PAK4: variants seen among roughly 807,000 people sequenced by gnomAD.
The protein encoded by PAK4 is p21 (RAC1) activated kinase 4.
PAK4 carries 49 observed loss-of-function variants against 53.5 expected under a neutral mutation model. The ratio of observed to expected loss-of-function variants is 0.92; its 90% CI spans 0.73 to 1.16. The LOEUF (loss-of-function observed/expected upper bound fraction) is 1.16. Ranked by LOEUF, PAK4 falls within the 50% of genes most tolerant of loss-of-function variation. The pLI is 0.00. For missense variants in PAK4, 824 were observed against 850.7 expected, an observed-to-expected ratio of 0.97 and a Z score of 0.39; for synonymous variants, 376 against 375.6, an observed-to-expected ratio of 1.00 and a Z score of -0.01.
chr19:39,128,681 C>G (rs1356056840), intron 1 of PAK4, among the ~76,000 whole-genome samples: 1 of 152,162 alleles, frequency 6.6e-6, no homozygotes, highest in Admixed American at 6.5e-5. Context: ...CAGAACACAC[C>G]GTGATACAGT....
chr19:39,173,274 C>G lies in PAK4; in HGVS notation c.561C>G (p.Thr187=). ...CCCTCTCCGGGCCTGATGTCGGCAC[C>G]CCCCAGCCTGCTGGTCTGGCCAGTG... The change falls in exon 3 of 9, where the codon ACC becomes ACG. Residue 187 remains threonine (T), a synonymous_variant. Coordinates refer to ENST00000358301, the Ensembl canonical transcript of PAK4. This position sits in a 1 kb window ranked among gnomAD's most constrained non-coding sequence, Gnocchi z 6.9. 6.2e-7 allele frequency: 1 copy of G among 1,602,952 alleles called. No individual in the cohort carries two copies.
intron 1 of PAK4, among the ~76,000 whole-genome samples, chr19:39,142,409 A>T (rs1600325990): frequency 1.3e-5 from 2 of 152,278 alleles, no homozygotes; most frequent in South Asian, 4.2e-4. Flanking sequence ...ATGACTGTCA[A>T]GTTCAGTTTT....
chr19:39,176,900 G>A (rs1363024840), intron 7 of PAK4, among the ~76,000 whole-genome samples, 185 bp downstream of exon 8: 18 of 151,324 alleles, frequency 1.2e-4, no homozygotes, highest in African/African-American at 3.9e-4. Flanking sequence ...ATGGAGTCTC[G>A]CTCTGTTGCC....
At chr19:39,169,746 G>C (rs779005730) in exon 2 of PAK4, 1 of 1,600,676 alleles carries the variant, frequency 6.2e-7, no homozygotes. Context: ...CATCCAGCCC[G>C]GGGCCCCCAA....
At chr19:39,153,369 G>A (rs903332050) in intron 1 of PAK4, among the ~76,000 whole-genome samples, 4 of 152,062 alleles carry the variant, frequency 2.6e-5, no homozygotes, top group Admixed American at 6.5e-5. Flanking sequence ...AGCAATTCTC[G>A]TACCTCAGCC....
chr19:39,172,213 C>T (rs1311149307), intron 2 of PAK4, among the ~76,000 whole-genome samples: 1 of 125,342 alleles, frequency 8.0e-6, no homozygotes, highest in Non-Finnish European at 1.6e-5. Context: ...CGGAGAGGCC[C>T]TGGGCGCAGG....
intron 1 of PAK4, among the ~76,000 whole-genome samples, chr19:39,126,813 T>A (rs778297242): frequency 2.0e-4 from 30 of 152,194 alleles, no homozygotes; most frequent in Non-Finnish European, 4.3e-4. Context: ...ATTTCACTCC[T>A]GCTGCAATCT....
In PAK4 at chr19:39,152,572, C is replaced by G. The variant is rs1039558291; in HGVS notation, c.-22-16960C>G. Among the ~76,000 whole-genome samples, 12 of 152,240 alleles carry G rather than the reference C, an allele frequency of 7.9e-5. No homozygotes were observed. In the East Asian group the frequency reaches 2.1e-3, roughly 27 times the overall value. On this transcript the variant is annotated intron_variant, in intron 1 of 8. Coordinates refer to ENST00000358301, the Ensembl canonical transcript of PAK4. Reference sequence around the variant, plus strand: ...AGGTTACTAAGCTTTACAGTAAGAACGAACCTTCTATCCATGAAATTGCGA... The same window carrying G: ...AGGTTACTAAGCTTTACAGTAAGAAGGAACCTTCTATCCATGAAATTGCGA...
exon 8 of PAK4, chr19:39,177,691 T>G: frequency 6.2e-7 from 1 of 1,612,924 alleles, no homozygotes; most frequent in Non-Finnish European, 8.5e-7. Context: ...ATCTGGTCGC[T>G]GGGGATAATG....
At chr19:39,180,116 C>T (rs2074685284), downstream of PAK4, 1 of 152,298 alleles carries the variant, frequency 6.6e-6, no homozygotes, top group Admixed American at 6.5e-5. Context: ...AGTGAGTGGC[C>T]AGGGCAGAGA....
intron 1 of PAK4, among the ~76,000 whole-genome samples, chr19:39,143,065 C>T (rs1018306629): frequency 1.3e-5 from 2 of 152,008 alleles, no homozygotes; most frequent in African/African-American, 4.8e-5. Flanking sequence ...GCTCAGACGC[C>T]ACCCCTTTAG....
chr19:39,158,896 A>G (rs2074238261), intron 1 of PAK4, among the ~76,000 whole-genome samples: 1 of 152,172 alleles, frequency 6.6e-6, no homozygotes, highest in African/African-American at 2.4e-5. Context: ...AGAAGGGACC[A>G]TGCCCGGCAT....
In PAK4 at chr19:39,133,699, G is replaced by A. The variant is rs371390290; in HGVS notation, c.-23+7780G>A. Reference sequence around the variant, plus strand: ...GGGTTGGGAGCACCGGGTGGGCAGGGTCCTCACCTAGAGAGCTCCCCGTCC... The same window carrying A: ...GGGTTGGGAGCACCGGGTGGGCAGGATCCTCACCTAGAGAGCTCCCCGTCC... On this transcript the variant is annotated intron_variant, in intron 1 of 8. Transcript: ENST00000358301. 5.5e-4 allele frequency among the ~76,000 whole-genome samples: 83 copies of A among 152,292 alleles called. 1 individual carries two copies. In the South Asian group the frequency reaches 0.016, roughly 29 times the overall value.
In PAK4 at chr19:39,178,376, T is replaced by C; in HGVS notation, c.1621-48T>C. On this transcript the variant is annotated intron_variant, in intron 8 of 8. Coordinates refer to ENST00000358301, the Ensembl canonical transcript of PAK4. This position sits in a 1 kb window ranked among gnomAD's most constrained non-coding sequence, Gnocchi z 4.4. ...GCGGACACTGCAGCCCTACAGCAAATGAACAGTGGGGAGCCTCGCCCCCTG... is the reference window on the plus strand; with the variant it reads ...GCGGACACTGCAGCCCTACAGCAAACGAACAGTGGGGAGCCTCGCCCCCTG... 1 of 1,547,910 alleles carries C rather than the reference T, an allele frequency of 6.5e-7. No individual in the cohort carries two copies.
At chr19:39,159,629 C>A (rs537354653) in intron 1 of PAK4, among the ~76,000 whole-genome samples, 1 of 152,200 alleles carries the variant, frequency 6.6e-6, no homozygotes, top group African/African-American at 2.4e-5. Flanking sequence ...ATCAGGTGAT[C>A]CACCTGCCTC....
At chr19:39,147,848 T>G (rs1360886931) in intron 1 of PAK4, among the ~76,000 whole-genome samples, 1 of 147,198 alleles carries the variant, frequency 6.8e-6, no homozygotes, top group East Asian at 2.0e-4. Context: ...CGGGTTTTTT[T>G]TTTTTTTTTT....
chr19:39,169,990 T>G (rs1308130176), intron 2 of PAK4, among the ~76,000 whole-genome samples: 1 of 151,542 alleles, frequency 6.6e-6, no homozygotes, highest in Non-Finnish European at 1.5e-5. Flanking sequence ...CCACGGCCCA[T>G]CTGACAGCCC....
At chr19:39,149,388 A>G (rs922710994) in intron 1 of PAK4, among the ~76,000 whole-genome samples, 5 of 152,230 alleles carry the variant, frequency 3.3e-5, no homozygotes, top group African/African-American at 1.2e-4. Flanking sequence ...AATCAGCCAG[A>G]CACAGAAGGA....
intron 1 of PAK4, among the ~76,000 whole-genome samples, chr19:39,163,802 AT>A (rs1414939817): frequency 2.0e-5 from 3 of 152,130 alleles, no homozygotes; most frequent in Non-Finnish European, 4.4e-5. Flanking sequence ...TATCTGAAAG[AT>A]TTCCCGGGTG....
Sources: allele counts gnomAD v4.1 joint callset (sites outside exome capture counted in the v4.1 genomes callset), GRCh38; gene constraint gnomAD v4.1.1; non-coding constraint Gnocchi (gnomAD v3.1); transcripts MANE v1.5; gene names NCBI Gene and HGNC (gene_info 2026-07-23, HGNC 2026-07-21).